ANKRD6: variants seen among roughly 807,000 people sequenced by gnomAD.
ANKRD6 encodes ankyrin repeat domain-containing protein 6.
ANKRD6 carries 56 observed loss-of-function variants against 82.3 expected under a neutral mutation model. The ratio of observed to expected loss-of-function variants is 0.68; its 90% confidence interval spans 0.55 to 0.85. The LOEUF is 0.85. ANKRD6 is among the 40% of genes least tolerant of loss of function. The pLI, the probability that ANKRD6 is intolerant of heterozygous loss-of-function variation, is 0.00. For synonymous variants in ANKRD6, 347 were observed against 352.1 expected (o/e 0.99, Z 0.16); for missense variants, 852 against 907.6 (o/e 0.94, Z 0.79).
intron 1 of ANKRD6, among the ~76,000 whole-genome samples, chr6:89,456,384 G>A (rs1773515522): frequency 6.6e-6 from 1 of 152,114 alleles, no homozygotes; most frequent in African/African-American, 2.4e-5. Context: ...ATTTTCTCAC[G>A]GTTTTGGAGA....
chr6:89,514,303 G>T (rs1003988819), intron 1 of ANKRD6, among the ~76,000 whole-genome samples: 1 of 152,066 alleles, frequency 6.6e-6, no homozygotes, highest in African/African-American at 2.4e-5. Context: ...GCTTGAACCT[G>T]GGGGGCGGAG....
chr6:89,538,991 T>C (rs1371303647), intron 1 of ANKRD6, among the ~76,000 whole-genome samples: 1 of 152,174 alleles, frequency 6.6e-6, no homozygotes, highest in Non-Finnish European at 1.5e-5. Flanking sequence ...TACATGTGAT[T>C]ATACCTAGGT....
At chr6:89,541,194 T>C (rs998561887) in intron 1 of ANKRD6, among the ~76,000 whole-genome samples, 2 of 152,102 alleles carry the variant, frequency 1.3e-5, no homozygotes, top group African/African-American at 2.4e-5. Context: ...AGGATTACAC[T>C]GAGTCTATAG....
intron 1 of ANKRD6, among the ~76,000 whole-genome samples, chr6:89,440,230 C>T (rs1227472948): frequency 3.3e-5 from 5 of 152,156 alleles, no homozygotes; most frequent in African/African-American, 1.2e-4. Flanking sequence ...AGAACTCTGG[C>T]TTATATAGCA....
At chr6:89,576,074 C>T (rs1336687359) in intron 2 of ANKRD6, among the ~76,000 whole-genome samples, 6 of 150,504 alleles carry the variant, frequency 4.0e-5, no homozygotes, top group Admixed American at 1.3e-4. Context: ...TTTTTTGAGA[C>T]GGAGTCTCGC....
At chr6:89,484,309 G>A (rs78569278) in intron 1 of ANKRD6, among the ~76,000 whole-genome samples, 3,168 of 152,266 alleles carry the variant, frequency 0.021, 125 homozygotes, top group African/African-American at 0.072. Context: ...TTACCACAGG[G>A]TAGAGGATAT....
chr6:89,439,312 A>G (rs747941106), intron 1 of ANKRD6, among the ~76,000 whole-genome samples: 4 of 152,214 alleles, frequency 2.6e-5, no homozygotes, highest in Non-Finnish European at 5.9e-5. Context: ...GCTGCTGGCA[A>G]TAGGCTAGGT....
At chr6:89,583,415 T>A (rs941032986) in intron 2 of ANKRD6, among the ~76,000 whole-genome samples, 3 of 152,156 alleles carry the variant, frequency 2.0e-5, no homozygotes, top group Non-Finnish European at 4.4e-5. Flanking sequence ...AATTATGGGA[T>A]CAATAATATG....
At chr6:89,609,088 A>G (rs1231034711) in intron 5 of ANKRD6, among the ~76,000 whole-genome samples, 1 of 151,308 alleles carries the variant, frequency 6.6e-6, no homozygotes, top group African/African-American at 2.4e-5. Context: ...TGCTTCTGCA[A>G]CTCTCCCTTG....
chr6:89,508,593 C>G (rs1053211936), intron 1 of ANKRD6, among the ~76,000 whole-genome samples: 4 of 152,082 alleles, frequency 2.6e-5, no homozygotes, highest in African/African-American at 9.7e-5. Context: ...TTTAATGGCT[C>G]CTAAAGGGAG....
At chr6:89,438,103 T>C (rs1296535111) in intron 1 of ANKRD6, among the ~76,000 whole-genome samples, 1 of 152,246 alleles carries the variant, frequency 6.6e-6, no homozygotes, top group East Asian at 1.9e-4. Context: ...AATAGTTGCA[T>C]TTATCTTAGA....
Position 89,632,822 on chromosome 6 carries a change from G to A in ANKRD6, c.*1818G>A, listed in dbSNP as rs1039660755. 7.2e-5 allele frequency: 11 copies of A among 152,204 alleles called. No homozygotes were observed. Among genetic ancestry groups the A allele is most frequent in the African/African-American group, 2.6e-4 (11 of 41,530 alleles). The allele number at this position is 152,204 out of a possible 1,614,324, so 9.4% of individuals were successfully genotyped here. On this transcript the variant is annotated 3_prime_UTR_variant, in exon 16 of 16. Transcript: ENST00000339746. ...GTTTTCTAAATCTATTCTCAAACAGGATATCACTAACCTCTTTAGAATCAT... is the reference window on the plus strand; with the variant it reads ...GTTTTCTAAATCTATTCTCAAACAGAATATCACTAACCTCTTTAGAATCAT...
At chr6:89,612,834 C>T (rs926669151) in intron 6 of ANKRD6, among the ~76,000 whole-genome samples, 4 of 152,148 alleles carry the variant, frequency 2.6e-5, no homozygotes, top group Admixed American at 6.5e-5. Context: ...ATGAGCTGAC[C>T]GGAAAGGTCA....
At position 89,496,184 on chromosome 6, in the gene ANKRD6, C is replaced by G. The variant is rs1034090431; in HGVS notation, c.-144+62809C>G. ...AAGCTTTTTTCCACACTGCCCCCCC[C>G]CCCACCATAATTAAAGTACTTAGGA... On this transcript the variant is annotated intron_variant, in intron 1 of 15. Transcript: ENST00000339746. Among the ~76,000 whole-genome samples, 7 of 151,784 alleles carry G rather than the reference C, an allele frequency of 4.6e-5. No homozygotes were observed. In the East Asian group the frequency reaches 5.8e-4, roughly 13 times the overall value.
At chr6:89,439,369 G>A (rs1174695537) in intron 1 of ANKRD6, among the ~76,000 whole-genome samples, 1 of 152,152 alleles carries the variant, frequency 6.6e-6, no homozygotes, top group African/African-American at 2.4e-5. Flanking sequence ...GCCATGGAAT[G>A]TGTTACATAA....
chr6:89,529,671 C>G (rs975719487), intron 1 of ANKRD6, among the ~76,000 whole-genome samples: 1 of 152,174 alleles, frequency 6.6e-6, no homozygotes, highest in Non-Finnish European at 1.5e-5. Context: ...ATAATCATTT[C>G]TAGCTTTTGA....
chr6:89,491,260 T>A (rs974352766), intron 1 of ANKRD6, among the ~76,000 whole-genome samples: 1 of 152,212 alleles, frequency 6.6e-6, no homozygotes, highest in Non-Finnish European at 1.5e-5. Context: ...TGGATTTTCA[T>A]AGGCCGAAAT....
chr6:89,575,765 C>T (rs1222612584), intron 2 of ANKRD6, among the ~76,000 whole-genome samples: 2 of 152,158 alleles, frequency 1.3e-5, no homozygotes, highest in Non-Finnish European at 2.9e-5. Context: ...TCAAATAGGG[C>T]ATGCCAGAGC....
chr6:89,620,883 G>C (rs535554670), intron 9 of ANKRD6, among the ~76,000 whole-genome samples: 1 of 152,228 alleles, frequency 6.6e-6, no homozygotes, highest in South Asian at 2.1e-4. Context: ...GGCTAGCACG[G>C]TGAAACCCCG....
Sources: allele counts gnomAD v4.1 joint callset (sites outside exome capture counted in the v4.1 genomes callset), GRCh38; gene constraint gnomAD v4.1.1; transcripts MANE v1.5; gene names NCBI Gene and HGNC (gene_info 2026-07-23, HGNC 2026-07-21).